Variants in NEGR1 observed in about 807,000 individuals in gnomAD.
NEGR1 encodes the protein neuronal growth regulator 1.
Under a neutral mutation model 40.9 loss-of-function variants are expected in NEGR1, and 10 were observed. That is an observed-to-expected ratio of 0.24 (90% CI 0.15 to 0.42). The LOEUF (loss-of-function observed/expected upper bound fraction) is 0.42. Ranked by LOEUF, NEGR1 falls within the 10% of genes least tolerant of loss-of-function variation. The probability of loss-of-function intolerance (pLI) is 1.00; values close to 1 mark genes in which losing one functional copy is unlikely to be tolerated. For missense variants in NEGR1, 352 were observed against 438.9 expected (o/e 0.80, Z 1.77); for synonymous variants, 185 against 166.8 (o/e 1.11, Z -0.84).
At chr1:71,552,258 A>G (rs1263245628) in intron 6 of NEGR1, among the ~76,000 whole-genome samples, 1 of 150,904 alleles carries the variant, frequency 6.6e-6, no homozygotes, top group African/African-American at 2.4e-5. Flanking sequence ...CTTAACTCTA[A>G]TGTTTTCCTT....
At chr1:72,124,187 C>T (rs1384147540) in intron 1 of NEGR1, among the ~76,000 whole-genome samples, 1 of 151,988 alleles carries the variant, frequency 6.6e-6, no homozygotes, top group African/African-American at 2.4e-5. Context: ...TCCAAGCCAT[C>T]ACCAAGGAGG....
intron 4 of NEGR1, among the ~76,000 whole-genome samples, chr1:71,665,602 C>T (rs1177559320): frequency 6.6e-6 from 1 of 152,142 alleles, no homozygotes; most frequent in East Asian, 1.9e-4. Flanking sequence ...TTGAACAATT[C>T]TAAATTAGAG....
At chr1:71,461,907 G>A (rs1467888397) in intron 6 of NEGR1, 1 of 152,146 alleles carries the variant, frequency 6.6e-6, no homozygotes, top group Non-Finnish European at 1.5e-5. Context: ...CTTAGTCCAT[G>A]AGGAAATGGG....
chr1:72,069,308 G>A (rs1490748032), intron 1 of NEGR1, among the ~76,000 whole-genome samples: 1 of 151,988 alleles, frequency 6.6e-6, no homozygotes, highest in Non-Finnish European at 1.5e-5. Flanking sequence ...GCCAGGCATG[G>A]AGGCACACTC....
intron 2 of NEGR1, among the ~76,000 whole-genome samples, chr1:71,885,137 G>A (rs995716738): frequency 6.6e-6 from 1 of 152,204 alleles, no homozygotes; most frequent in African/African-American, 2.4e-5. Context: ...AATAAGCACA[G>A]TAAACAATTA....
chr1:71,635,771 T>C (rs1382136105), intron 4 of NEGR1, among the ~76,000 whole-genome samples: 1 of 152,004 alleles, frequency 6.6e-6, no homozygotes, highest in Admixed American at 6.6e-5. Flanking sequence ...AAAGCTAGCC[T>C]GGGGTTATGA....
At chr1:71,749,235 G>T (rs932854383) in intron 3 of NEGR1, among the ~76,000 whole-genome samples, 13 of 152,064 alleles carry the variant, frequency 8.5e-5, no homozygotes, top group Non-Finnish European at 1.6e-4. Flanking sequence ...ATTTTTCACA[G>T]AATCACCATT....
rs151014014 is a variant in NEGR1 at position 71,692,831 on chromosome 1, T to C, written c.667+5177A>G. Reference sequence around the variant, plus strand: ...GTAACTTATTGGATAAAAAACTTACTTCACAGCACACCCAAAAATGACTTT... The same window carrying C: ...GTAACTTATTGGATAAAAAACTTACCTCACAGCACACCCAAAAATGACTTT... On this transcript the variant is annotated intron_variant, in intron 4 of 6. Coordinates refer to ENST00000357731, the MANE Select transcript of NEGR1 (RefSeq NM_173808.3). 8.2e-3 allele frequency among the ~76,000 whole-genome samples: 1,251 copies of C among 151,898 alleles called. 12 individuals are homozygous for C. Among genetic ancestry groups the C allele is most frequent in the African/African-American group, 0.029 (1,186 of 41,536 alleles).
rs181456427 is a variant in NEGR1, at chr1:71,811,688, G to C, written c.410-35391C>G. Among the ~76,000 whole-genome samples, 194 of 150,894 alleles carry C rather than the reference G, an allele frequency of 1.3e-3. 1 individual carries two copies. Among genetic ancestry groups the C allele is most frequent in the African/African-American group, 4.5e-3 (186 of 41,358 alleles). On this transcript the variant is annotated intron_variant, in intron 2 of 6. Transcript: ENST00000357731. ...AACTAGAATATAAGCCTGTTTTAGA[G>C]AAGAAGTTTTCAATTTGTTTATTAT...
intron 2 of NEGR1, among the ~76,000 whole-genome samples, chr1:71,924,920 G>C (rs554533940): frequency 6.6e-6 from 1 of 151,190 alleles, no homozygotes; most frequent in African/African-American, 2.4e-5. Flanking sequence ...CAGCATTCAC[G>C]GTCTTATGTG....
At chr1:71,444,150 G>A (rs1466356539) in intron 6 of NEGR1, among the ~76,000 whole-genome samples, 2 of 152,018 alleles carry the variant, frequency 1.3e-5, no homozygotes, top group African/African-American at 4.8e-5. Context: ...TGTTTTAATT[G>A]TAGGAGCCAT....
At chr1:72,085,591 T>C (rs1424313420) in intron 1 of NEGR1, among the ~76,000 whole-genome samples, 1 of 152,208 alleles carries the variant, frequency 6.6e-6, no homozygotes, top group Non-Finnish European at 1.5e-5. Flanking sequence ...TATGTAATGC[T>C]ACTGAATACT....
intron 6 of NEGR1, among the ~76,000 whole-genome samples, chr1:71,545,722 G>A (rs375541401): frequency 6.6e-5 from 10 of 151,656 alleles, no homozygotes; most frequent in African/African-American, 2.4e-4. Flanking sequence ...ACTGGCAGCC[G>A]CCTCTATAGA....
At chr1:71,837,243 C>T (rs933693815) in intron 2 of NEGR1, among the ~76,000 whole-genome samples, 1 of 152,078 alleles carries the variant, frequency 6.6e-6, no homozygotes, top group African/African-American at 2.4e-5. Context: ...AAGGACTTCT[C>T]TATATGCCTG....
intron 2 of NEGR1, among the ~76,000 whole-genome samples, chr1:71,863,664 T>C (rs1462544484): frequency 6.6e-6 from 1 of 151,746 alleles, no homozygotes; most frequent in Non-Finnish European, 1.5e-5. Flanking sequence ...AATACTGGAC[T>C]TACTTCTCTT....
chr1:71,739,644 G>A (rs1056804511), intron 3 of NEGR1, among the ~76,000 whole-genome samples: 5 of 151,792 alleles, frequency 3.3e-5, no homozygotes, highest in African/African-American at 1.2e-4. Flanking sequence ...AAAAATAAAA[G>A]TTTACTTTCA....
intron 3 of NEGR1, among the ~76,000 whole-genome samples, chr1:71,749,988 C>CTTTT (rs768011020): frequency 7.3e-6 from 1 of 136,636 alleles, no homozygotes; most frequent in Non-Finnish European, 1.6e-5. Flanking sequence ...TTGCTCCTTT[C>CTTTT]TTTTTTTTTT....
intron 1 of NEGR1, among the ~76,000 whole-genome samples, chr1:72,257,064 T>C (rs1234529226): frequency 1.3e-5 from 2 of 152,160 alleles, no homozygotes; most frequent in Admixed American, 6.5e-5. Flanking sequence ...GGCTCACGCC[T>C]GTAATCCCAG....
chr1:71,479,824 C>T (rs992135068), intron 6 of NEGR1, among the ~76,000 whole-genome samples: 1 of 151,758 alleles, frequency 6.6e-6, no homozygotes, highest in African/African-American at 2.4e-5. Flanking sequence ...ATATTGTTAT[C>T]GATTTTGTTA....
Sources: gnomAD v4.1 joint callset for allele counts (sites outside exome capture counted in the v4.1 genomes callset) on GRCh38, gnomAD v4.1.1 for gene constraint, MANE v1.5 for transcripts, NCBI Gene and HGNC (gene_info 2026-07-23, HGNC 2026-07-21) for gene names.